The following ADCY5 variants were observed in gnomAD, a reference collection of about 807,000 sequenced individuals.
ADCY5 encodes the protein adenylate cyclase type 5.
ADCY5 carries 30 observed loss-of-function variants against 119.7 expected under a neutral mutation model. The observed-to-expected ratio is 0.25, with a 90% CI of 0.19 to 0.34. The LOEUF (loss-of-function observed/expected upper bound fraction) is 0.34, where lower values mean the gene tolerates loss of function less well. Ranked by LOEUF, ADCY5 falls within the 10% of genes least tolerant of loss-of-function variation. The probability of loss-of-function intolerance (pLI) is 1.00; values close to 1 mark genes in which losing one functional copy is unlikely to be tolerated. For synonymous variants in ADCY5, 753 were observed against 762.2 expected (o/e 0.99, Z 0.20); for missense variants, 1,324 against 1,775.2 (o/e 0.75, Z 4.57).
chr3:123,430,898 C>A (rs2107646186), intron 1 of ADCY5, among the ~76,000 whole-genome samples: 1 of 152,274 alleles, frequency 6.6e-6, no homozygotes, highest in South Asian at 2.1e-4. Flanking sequence ...TTGCCCTGAT[C>A]CAAAGGTGCT....
At chr3:123,405,605 A>ATTTAT (rs917337669) in intron 1 of ADCY5, among the ~76,000 whole-genome samples, 1 of 152,010 alleles carries the variant, frequency 6.6e-6, no homozygotes, top group Non-Finnish European at 1.5e-5. Flanking sequence ...ATTTTATTTT[A>ATTTAT]TTTATTTTAT....
intron 12 of ADCY5, among the ~76,000 whole-genome samples, chr3:123,313,514 G>A (rs373919006): frequency 1.2e-4 from 18 of 152,268 alleles, no homozygotes; most frequent in East Asian, 1.2e-3. Flanking sequence ...AGGCTGGTGC[G>A]TCAGGGATTT....
chr3:123,332,718 T>C (rs747479173), intron 3 of ADCY5, 43 bp from the exon 4 acceptor site: 1 of 1,283,360 alleles, frequency 7.8e-7, no homozygotes, highest in African/African-American at 1.5e-5. Context: ...ATAGGCTGAA[T>C]CTTTGTGTCT....
chr3:123,378,153 T>C (rs1324541989), intron 1 of ADCY5, among the ~76,000 whole-genome samples: 2 of 152,078 alleles, frequency 1.3e-5, no homozygotes, highest in South Asian at 2.1e-4. Context: ...CTCTCCACCA[T>C]CCTGATAATC....
chr3:123,360,573 T>C (rs1943214979), intron 1 of ADCY5, among the ~76,000 whole-genome samples: 1 of 152,136 alleles, frequency 6.6e-6, no homozygotes, highest in African/African-American at 2.4e-5. Flanking sequence ...GCCCTCTAAG[T>C]CTTATCATAG....
At chr3:123,372,498 G>A (rs1056325767) in intron 1 of ADCY5, among the ~76,000 whole-genome samples, 6 of 152,152 alleles carry the variant, frequency 3.9e-5, no homozygotes, top group Non-Finnish European at 8.8e-5. Context: ...CTTCCCAGAG[G>A]GAAAAAGCCC....
At chr3:123,320,092 TA>T (rs1477502608) in intron 9 of ADCY5, among the ~76,000 whole-genome samples, 1 of 152,220 alleles carries the variant, frequency 6.6e-6, no homozygotes, top group Non-Finnish European at 1.5e-5. Context: ...CATATTATAT[TA>T]GCATAACAAT....
intron 15 of ADCY5, among the ~76,000 whole-genome samples, chr3:123,298,839 T>TTTTTTTTC (rs1939671288): frequency 1.3e-5 from 2 of 149,032 alleles, no homozygotes; most frequent in South Asian, 4.4e-4. Context: ...ACTTTTTTTT[T>TTTTTTTTC]TTTTTTTGCA....
rs60966110 is a variant in ADCY5, at chr3:123,310,103, TACACACACACACACACACACAC to T, written c.2442+4110_2442+4131del. On this transcript the variant is annotated intron_variant, in intron 12 of 20. Coordinates refer to ENST00000462833, the MANE Select transcript of ADCY5 (RefSeq NM_183357.3). Reference sequence around the variant, plus strand: ...GGCTGGGGGATAAGAGAGAGAGATTTACACACACACACACACACACACACACACACACACACACACACACACA... The same window carrying T: ...GGCTGGGGGATAAGAGAGAGAGATTTACACACACACACACACACACACACA... Among the ~76,000 whole-genome samples, 229 of 121,218 alleles carry T rather than the reference TACACACACACACACACACACAC, an allele frequency of 1.9e-3. 1 individual carries two copies. The highest frequency in any genetic ancestry group is 6.5e-3 in the African/African-American group (212 of 32,510). 79.5% of individuals were successfully genotyped at this position (121,218 alleles called of 152,430 possible). A position where few individuals can be genotyped will look rare whatever the true frequency, so the allele number is the denominator to read the frequency against.
chr3:123,310,105 C>G (rs146045371), intron 12 of ADCY5, among the ~76,000 whole-genome samples: 4 of 74,786 alleles, frequency 5.3e-5, no homozygotes, highest in Non-Finnish European at 1.0e-4. Context: ...GAGAGATTTA[C>G]ACACACACAC....
intron 1 of ADCY5, among the ~76,000 whole-genome samples, chr3:123,395,960 AAAGAAAGG>A (rs2107595390): frequency 7.1e-6 from 1 of 140,100 alleles, no homozygotes; most frequent in East Asian, 2.0e-4. Context: ...AGACAGAGAG[AAAGAAAGG>A]AAGAAAGGAA....
At chr3:123,389,388 T>C (rs1410659189) in intron 1 of ADCY5, among the ~76,000 whole-genome samples, 3 of 152,140 alleles carry the variant, frequency 2.0e-5, no homozygotes, top group Non-Finnish European at 2.9e-5. Flanking sequence ...GCTTCGAGAC[T>C]TTCCTCTGGA....
rs987402532 is a variant in ADCY5 at position 123,352,098 on chromosome 3, G to C, written c.1284+334C>G. Among the ~76,000 whole-genome samples, 6 of 152,286 alleles carry C rather than the reference G, an allele frequency of 3.9e-5. No homozygotes were observed. In the East Asian group the frequency reaches 1.2e-3, roughly 29 times the overall value. On this transcript the variant is annotated intron_variant, in intron 2 of 20. Transcript: ENST00000462833. This position sits in a 1 kb window ranked among gnomAD's most constrained non-coding sequence, Gnocchi z 4.8. ...TCCAACTCAAGGCGGGGTGCAGTGC[G>C]GGGAGGGAGTGGTGAGCAGTGTGGG...
rs2108158089 is a variant in ADCY5 at position 123,286,030 on chromosome 3, G to T, written c.3657+655C>A. On this transcript the variant is annotated intron_variant, in intron 20 of 20. Coordinates refer to ENST00000462833, the MANE Select transcript of ADCY5 (RefSeq NM_183357.3). The surrounding 1 kb of genome is among the most constrained non-coding windows in gnomAD (Gnocchi z 4.2). Reference sequence around the variant, plus strand: ...AGGCCAGGCAAGCTGACCTCCCACAGCCTCACAGAGAACTGGGGGTGAGGG... The same window carrying T: ...AGGCCAGGCAAGCTGACCTCCCACATCCTCACAGAGAACTGGGGGTGAGGG... Among the ~76,000 whole-genome samples, 1 of 152,358 alleles carries T rather than the reference G, an allele frequency of 6.6e-6. No homozygotes were observed. The highest frequency in any genetic ancestry group is 1.9e-4 in the East Asian group (1 of 5,186).
chr3:123,345,753 G>C (rs111406214), intron 3 of ADCY5, among the ~76,000 whole-genome samples: 34 of 33,674 alleles, frequency 1.0e-3, no homozygotes, highest in African/African-American at 4.2e-3. Context: ...CAGACAGACA[G>C]ACAGACAGAC....
chr3:123,325,435 T>C lies in ADCY5; in HGVS notation c.1975A>G (p.Met659Val), dbSNP rs746332269. ...RKEEKAMIAK[M>V]NRQRTNSIGH... ...ATGGAGTTGGTTCTCTGGCGGTTCA[T>C]CTTGGCGATCATGGCCTTCTCTTCT... Residue 659 changes from methionine to valine, a missense_variant, in exon 8 of 21, where the codon ATG (methionine) becomes GTG (valine). By Grantham distance (21) the Met-to-Val change is conservative. Transcript: ENST00000462833. The C allele has an allele frequency of 6.2e-7, 1 of 1,614,132 alleles. No individual in the cohort carries two copies. The highest frequency in any genetic ancestry group is 1.1e-5 in the South Asian group (1 of 91,086).
intron 8 of ADCY5, among the ~76,000 whole-genome samples, chr3:123,322,647 G>A (rs1232780114): frequency 2.0e-5 from 3 of 152,130 alleles, no homozygotes; most frequent in African/African-American, 7.2e-5. Context: ...ACTCCCTCCT[G>A]CAGCACCTGG....
In ADCY5 at chr3:123,282,588, A is replaced by ATG. The variant is rs1344278396; in HGVS notation, c.*2018_*2019dup. On this transcript the variant is annotated 3_prime_UTR_variant, in exon 21 of 21. Transcript: ENST00000462833. ...GAAAACCCAACACCACTGGCGGGCG[A>ATG]TGTGGAGGGGCAGGGAACTTGAGAA... is the stretch of plus-strand genomic sequence containing the variant. 1 of 152,380 alleles carries ATG rather than the reference A, an allele frequency of 6.6e-6. No individual in the cohort carries two copies. The highest frequency in any genetic ancestry group is 2.4e-5 in the African/African-American group (1 of 41,438). 9.4% of individuals were successfully genotyped at this position (152,380 alleles called of 1,614,324 possible).
chr3:123,384,155 C>T (rs1389095304), intron 1 of ADCY5, among the ~76,000 whole-genome samples: 3 of 152,182 alleles, frequency 2.0e-5, no homozygotes, highest in Non-Finnish European at 4.4e-5. Context: ...CCTTAAGATT[C>T]CTGAGTCAGA....
Sources: gnomAD v4.1 joint callset for allele counts (sites outside exome capture counted in the v4.1 genomes callset) on GRCh38, gnomAD v4.1.1 for gene constraint, Gnocchi (gnomAD v3.1) non-coding constraint, MANE v1.5 for transcripts, NCBI Gene and HGNC (gene_info 2026-07-23, HGNC 2026-07-21) for gene names.